SUGP2: variants seen among roughly 807,000 people sequenced by gnomAD.
SUGP2 encodes SURP and G-patch domain containing 2.
SUGP2 carries 24 observed loss-of-function variants against 90.5 expected under a neutral mutation model. That is an observed-to-expected ratio of 0.27 (90% CI 0.19 to 0.37). The LOEUF is 0.37. Ranked by LOEUF, SUGP2 falls within the 10% of genes least tolerant of loss-of-function variation. The probability of loss-of-function intolerance (pLI) is 1.00; values close to 1 mark genes in which losing one functional copy is unlikely to be tolerated. For synonymous variants in SUGP2, 473 were observed against 513.4 expected (o/e 0.92, Z 1.06); for missense variants, 1,233 against 1,363.3 (o/e 0.90, Z 1.51).
In SUGP2 at chr19:19,010,136, T is replaced by C. The variant is rs1239215328; in HGVS notation, c.2057A>G (p.Gln686Arg). Residue 686 changes from glutamine (Q) to arginine (R), a missense_variant, in exon 5 of 11, where the codon CAA (glutamine) becomes CGA (arginine). Transcript: ENST00000452918. Reference sequence around the variant, plus strand: ...CCTCGCCTTCCAGCCCCGGAGCCCTTGAGCACGGAGGAGCCCCCGCCGCTG... The same window carrying C: ...CCTCGCCTTCCAGCCCCGGAGCCCTCGAGCACGGAGGAGCCCCCGCCGCTG... ...PWQRRGLLRA[Q>R]GLRGWKARRA... The C allele has an allele frequency of 6.2e-7, 1 of 1,612,146 alleles. No homozygotes were observed. The highest frequency in any genetic ancestry group is 1.7e-5 in the Admixed American group (1 of 59,952).
chr19:19,027,878 C>T (rs535654717), intron 2 of SUGP2, among the ~76,000 whole-genome samples: 9 of 152,266 alleles, frequency 5.9e-5, no homozygotes, highest in Middle Eastern at 3.4e-3. Flanking sequence ...CCTTGTGATC[C>T]GCCCACCTCG....
rs146648670 is a variant in SUGP2 at position 19,018,506 on chromosome 19, T to C, written c.1850+603A>G. On this transcript the variant is annotated intron_variant, in intron 4 of 10. Coordinates refer to ENST00000452918, the MANE Select transcript of SUGP2 (RefSeq NM_001017392.5). ...ATCGAGACCATCCTGGCTAACACTATGAAACCCCATCTCTACTAAAAACAC... is the reference window on the plus strand; with the variant it reads ...ATCGAGACCATCCTGGCTAACACTACGAAACCCCATCTCTACTAAAAACAC... Among the ~76,000 whole-genome samples the C allele has an allele frequency of 5.3e-3, 806 of 151,840 alleles. 11 individuals carry two copies. The highest frequency in any genetic ancestry group is 0.018 in the African/African-American group (764 of 41,412).
chr19:19,020,731 C>A (rs1438602889), intron 3 of SUGP2, among the ~76,000 whole-genome samples: 2 of 151,958 alleles, frequency 1.3e-5, no homozygotes, highest in Non-Finnish European at 2.9e-5. Context: ...AGACACCATG[C>A]CCTGCCCAAA....
At chr19:19,013,360 C>T (rs1169988950) in intron 4 of SUGP2, among the ~76,000 whole-genome samples, 1 of 152,124 alleles carries the variant, frequency 6.6e-6, no homozygotes, top group South Asian at 2.1e-4. Context: ...TTTTTGGTAG[C>T]GTTCACCTGC....
chr19:19,004,624 A>G lies in SUGP2; in HGVS notation c.2473T>C (p.Ser825Pro). Residue 825 changes from serine to proline, a missense_variant, in exon 7 of 11, where the codon TCT becomes CCT. This residue lies in a region of SUGP2 where 540 missense variants were observed against 542.6 expected (regional missense o/e 1.00). Transcript: ENST00000452918. ...TTCTTTCGATAGAATTTGAAAGCAG[A>G]ACTATTTTGGTCATGTAGAAACCTG... ...DLWFLHDQNSSAFKFYRKKVF... is the reference protein window; with the variant it reads ...DLWFLHDQNSPAFKFYRKKVF... The G allele has an allele frequency of 1.2e-6, 2 of 1,610,224 alleles. No homozygotes were observed. The highest frequency in any genetic ancestry group is 1.7e-6 in the Non-Finnish European group (2 of 1,177,506).
At chr19:19,019,675 A>C (rs888423585) in intron 3 of SUGP2, among the ~76,000 whole-genome samples, 2 of 152,036 alleles carry the variant, frequency 1.3e-5, no homozygotes, top group East Asian at 3.9e-4. Flanking sequence ...ACATAGAAAG[A>C]AGACTATAAG....
intron 1 of SUGP2, among the ~76,000 whole-genome samples, chr19:19,031,998 C>G (rs80057639): frequency 1.3e-5 from 2 of 151,886 alleles, no homozygotes; most frequent in Non-Finnish European, 2.9e-5. Context: ...CAAACCTTCT[C>G]TGGGCCCATC....
chr19:19,015,655 C>T (rs1163390559), intron 4 of SUGP2, among the ~76,000 whole-genome samples: 1 of 152,166 alleles, frequency 6.6e-6, no homozygotes, highest in African/African-American at 2.4e-5. Context: ...AGGCGCCTGT[C>T]ACCATGCCCA....
intron 1 of SUGP2, chr19:19,033,093 C>G (rs2059249920): frequency 6.4e-6 from 1 of 155,996 alleles, no homozygotes; most frequent in South Asian, 2.1e-4. Flanking sequence ...GGGGCTGAAC[C>G]GGTTCTAAAG....
At chr19:19,013,513 A>G (rs893651684) in intron 4 of SUGP2, among the ~76,000 whole-genome samples, 7 of 152,170 alleles carry the variant, frequency 4.6e-5, no homozygotes, top group African/African-American at 1.2e-4. Flanking sequence ...TTGTATCAAT[A>G]TCCAGAATTA....
At chr19:19,010,994 C>T (rs2058290372) in intron 4 of SUGP2, among the ~76,000 whole-genome samples, 2 of 151,322 alleles carry the variant, frequency 1.3e-5, no homozygotes, top group South Asian at 2.1e-4. Flanking sequence ...AAAAATTAGC[C>T]AGGGTGGTGG....
At chr19:18,995,357 G>C in intron 8 of SUGP2, 77 bp from the exon 9 acceptor site, 1 of 1,455,924 alleles carries the variant, frequency 6.9e-7, no homozygotes, top group Non-Finnish European at 9.1e-7. Context: ...GGCTATGCCT[G>C]GAGCCCCTCA....
chr19:19,032,487 C>T (rs977064442), intron 1 of SUGP2, among the ~76,000 whole-genome samples: 1 of 152,090 alleles, frequency 6.6e-6, no homozygotes, highest in Non-Finnish European at 1.5e-5. Flanking sequence ...CATTCACAGA[C>T]TCAGCAGGGC....
At chr19:19,030,652 G>A (rs1314909415) in intron 2 of SUGP2, among the ~76,000 whole-genome samples, 2 of 152,188 alleles carry the variant, frequency 1.3e-5, no homozygotes, top group Admixed American at 1.3e-4. Flanking sequence ...CAAGTGCAGT[G>A]GCTCATGCCT....
At position 19,003,099 on chromosome 19, in the gene SUGP2, G is replaced by A. The variant is rs550010207; in HGVS notation, c.2929+1069C>T. Among the ~76,000 whole-genome samples, 11 of 152,252 alleles carry A rather than the reference G, an allele frequency of 7.2e-5. No individual in the cohort carries two copies. In the East Asian group the frequency reaches 1.7e-3, roughly 24 times the overall value. Reference sequence around the variant, plus strand: ...TGGGATTACAGGCACGAGCCACTGCGCCTGGCCCCATGAGAAGTTTTGAAG... The same window carrying A: ...TGGGATTACAGGCACGAGCCACTGCACCTGGCCCCATGAGAAGTTTTGAAG... On this transcript the variant is annotated intron_variant, in intron 7 of 10. Transcript: ENST00000452918.
In SUGP2 at chr19:19,004,495, T is replaced by C; in HGVS notation, c.2602A>G (p.Met868Val). ...TCTTCAAACTCTGCTTCCCCTTCCA[T>C]GAGGTCCACGGGGCTCTCCTGAGAA... is the stretch of plus-strand genomic sequence containing the variant. ...TGSQESPVDL[M>V]EGEAEFEDEP... Residue 868 changes from methionine (M) to valine (V), a missense_variant, in exon 7 of 11, where the codon ATG becomes GTG. Physicochemically the swap from Met to Val is conservative, Grantham distance 21. Coordinates refer to ENST00000452918, the MANE Select transcript of SUGP2 (RefSeq NM_001017392.5). 1.2e-6 allele frequency: 2 copies of C among 1,614,126 alleles called. No individual in the cohort carries two copies. The highest frequency in any genetic ancestry group is 2.2e-5 in the East Asian group (1 of 44,876).
At chr19:19,022,607 A>G (rs1271342233) in intron 3 of SUGP2, among the ~76,000 whole-genome samples, 3 of 151,762 alleles carry the variant, frequency 2.0e-5, no homozygotes, top group Non-Finnish European at 4.4e-5. Flanking sequence ...GCAGGAAAAC[A>G]GGGGGAACAT....
intron 6 of SUGP2, chr19:19,007,443 G>T (rs2058121078): frequency 6.6e-6 from 1 of 152,354 alleles, no homozygotes; most frequent in South Asian, 2.1e-4. Context: ...ATGAAGGCAG[G>T]TCCCCTAGAA....
chr19:18,997,404 C>T (rs2057645466), intron 8 of SUGP2, among the ~76,000 whole-genome samples: 1 of 152,076 alleles, frequency 6.6e-6, no homozygotes, highest in African/African-American at 2.4e-5. Context: ...GCTCCTGGGG[C>T]CTCAGTGTTC....
Sources: allele counts gnomAD v4.1 joint callset (sites outside exome capture counted in the v4.1 genomes callset), GRCh38; gene constraint gnomAD v4.1.1; regional missense constraint gnomAD v4.1.1; transcripts MANE v1.5; gene names NCBI Gene and HGNC (gene_info 2026-07-23, HGNC 2026-07-21).